The following ADGRB3 variants were observed in gnomAD, a reference collection of about 807,000 sequenced individuals.
The protein encoded by ADGRB3 is brain-specific angiogenesis inhibitor 3.
A neutral mutation model predicts 193.4 loss-of-function variants in ADGRB3; 37 were observed. That is an observed-to-expected ratio of 0.19 (90% CI 0.15 to 0.25). The LOEUF is 0.25. Ranked by LOEUF, ADGRB3 falls within the 10% of genes least tolerant of loss-of-function variation. The pLI, the probability that ADGRB3 is intolerant of heterozygous loss-of-function variation, is 1.00. For missense variants in ADGRB3, 1,637 were observed against 1,852.9 expected, an observed-to-expected ratio of 0.88 and a Z score of 2.14; for synonymous variants, 690 against 644.2, an observed-to-expected ratio of 1.07 and a Z score of -1.08.
chr6:68,778,076 C>T (rs1406874219), intron 3 of ADGRB3, among the ~76,000 whole-genome samples: 2 of 152,076 alleles, frequency 1.3e-5, no homozygotes, highest in African/African-American at 4.8e-5. Flanking sequence ...GCCTTTTAGC[C>T]AGTCACAGAC....
At chr6:68,844,285 T>C (rs1435701288) in intron 3 of ADGRB3, among the ~76,000 whole-genome samples, 2 of 151,548 alleles carry the variant, frequency 1.3e-5, no homozygotes, top group Non-Finnish European at 2.9e-5. Context: ...ATCTCACAAA[T>C]GATTAATAAC....
chr6:68,791,025 G>A (rs908154602), intron 3 of ADGRB3, among the ~76,000 whole-genome samples: 4 of 147,188 alleles, frequency 2.7e-5, no homozygotes, highest in African/African-American at 5.1e-5. Flanking sequence ...ACCATCCTGG[G>A]CAGCACAGTG....
chr6:68,843,900 C>T (rs1768218837), intron 3 of ADGRB3, among the ~76,000 whole-genome samples: 1 of 152,028 alleles, frequency 6.6e-6, no homozygotes, highest in African/African-American at 2.4e-5. Context: ...GATAACACAG[C>T]TGCCAAGAAT....
chr6:68,872,385 T>C (rs1765485948), intron 3 of ADGRB3, among the ~76,000 whole-genome samples: 1 of 150,060 alleles, frequency 6.7e-6, no homozygotes, highest in Non-Finnish European at 1.5e-5. Flanking sequence ...AAAGTGAAGA[T>C]AAAAATTGTC....
intron 17 of ADGRB3, among the ~76,000 whole-genome samples, chr6:69,191,082 C>T (rs535162360): frequency 1.3e-5 from 2 of 152,284 alleles, no homozygotes; most frequent in Admixed American, 1.3e-4. Context: ...TTACAAAATG[C>T]TTTCATATAC....
At chr6:69,220,896 A>G (rs888526512) in intron 17 of ADGRB3, among the ~76,000 whole-genome samples, 2 of 151,490 alleles carry the variant, frequency 1.3e-5, no homozygotes, top group Non-Finnish European at 2.9e-5. Context: ...TCACTAAATC[A>G]CTATCTACAC....
intron 20 of ADGRB3, among the ~76,000 whole-genome samples, chr6:69,278,385 T>C (rs550477544): frequency 7.2e-5 from 11 of 152,220 alleles, no homozygotes; most frequent in Non-Finnish European, 1.3e-4. Flanking sequence ...CCCTGATAAC[T>C]CCTTATGATG....
intron 17 of ADGRB3, among the ~76,000 whole-genome samples, chr6:69,181,128 A>G (rs768084183): frequency 6.6e-6 from 1 of 152,186 alleles, no homozygotes; most frequent in Non-Finnish European, 1.5e-5. Context: ...GGACGCCATC[A>G]CAGGGGCTGT....
At chr6:68,782,743 ATG>A (rs1766880987) in intron 3 of ADGRB3, among the ~76,000 whole-genome samples, 1 of 151,832 alleles carries the variant, frequency 6.6e-6, no homozygotes, top group African/African-American at 2.4e-5. Flanking sequence ...GCATTTTTTC[ATG>A]TGTTTTTTGG....
chr6:68,907,713 T>C (rs1170454108), intron 3 of ADGRB3, among the ~76,000 whole-genome samples: 1 of 151,984 alleles, frequency 6.6e-6, no homozygotes, highest in African/African-American at 2.4e-5. Flanking sequence ...TTATCTTTCA[T>C]GCACTAGTAA....
At chr6:68,821,803 A>G (rs1767752822) in intron 3 of ADGRB3, among the ~76,000 whole-genome samples, 1 of 151,950 alleles carries the variant, frequency 6.6e-6, no homozygotes, top group African/African-American at 2.4e-5. Flanking sequence ...TATTTTATTA[A>G]GAAATAAAAG....
chr6:69,331,161 C>T (rs995478002), intron 23 of ADGRB3, among the ~76,000 whole-genome samples: 4 of 152,000 alleles, frequency 2.6e-5, no homozygotes, highest in Admixed American at 6.6e-5. Context: ...TCCAATGGTC[C>T]CGGGGGGTCA....
At chr6:68,898,878 A>G (rs1401160939) in intron 3 of ADGRB3, among the ~76,000 whole-genome samples, 2 of 152,170 alleles carry the variant, frequency 1.3e-5, no homozygotes, top group South Asian at 4.1e-4. Context: ...CCTCAAAACC[A>G]TTAAAGTCAT....
At chr6:68,842,765 C>A (rs1390716482) in intron 3 of ADGRB3, among the ~76,000 whole-genome samples, 1 of 151,888 alleles carries the variant, frequency 6.6e-6, no homozygotes, top group Non-Finnish European at 1.5e-5. Context: ...ATGTCAAAAT[C>A]CTCAACAAAA....
intron 3 of ADGRB3, among the ~76,000 whole-genome samples, chr6:68,857,127 C>A (rs1765010778): frequency 6.6e-6 from 1 of 152,204 alleles, no homozygotes; most frequent in Admixed American, 6.5e-5. Context: ...GATGACCAGG[C>A]AGAAGTTTGC....
chr6:69,017,437 A>G (rs1270613014), intron 12 of ADGRB3, among the ~76,000 whole-genome samples: 1 of 152,026 alleles, frequency 6.6e-6, no homozygotes, highest in Non-Finnish European at 1.5e-5. Context: ...TAAAGTGGTT[A>G]TATAATGCAG....
intron 3 of ADGRB3, among the ~76,000 whole-genome samples, chr6:68,769,388 G>A (rs1209429413): frequency 6.6e-6 from 1 of 152,134 alleles, no homozygotes; most frequent in African/African-American, 2.4e-5. Flanking sequence ...GTCCTTTGTG[G>A]GGACATGGAT....
chr6:69,127,612 G>A (rs1346854847), intron 17 of ADGRB3, among the ~76,000 whole-genome samples: 2 of 152,126 alleles, frequency 1.3e-5, no homozygotes, highest in African/African-American at 2.4e-5. Context: ...TACTCAGTTT[G>A]ATGTACAAAA....
intron 20 of ADGRB3, among the ~76,000 whole-genome samples, chr6:69,314,673 A>G (rs889810877): frequency 1.3e-5 from 2 of 151,626 alleles, no homozygotes; most frequent in Non-Finnish European, 3.0e-5. Context: ...ATAACATCCA[A>G]GGGAAAGAAA....
Sources: gnomAD v4.1 joint callset for allele counts (sites outside exome capture counted in the v4.1 genomes callset) on GRCh38, gnomAD v4.1.1 for gene constraint, MANE v1.5 for transcripts, NCBI Gene and HGNC (gene_info 2026-07-23, HGNC 2026-07-21) for gene names.